The following TREML4 variants were observed in gnomAD, a reference collection of about 807,000 sequenced individuals.
TREML4 encodes the protein trem-like transcript 4 protein.
TREML4 carries 25 observed loss-of-function variants against 25.4 expected under a neutral mutation model. The observed-to-expected ratio is 0.98, with a 90% CI of 0.72 to 1.37. TREML4 has a LOEUF of 1.37. TREML4 is among the 40% of genes most tolerant of loss of function. TREML4 has a pLI of 0.00. For missense variants in TREML4, 268 were observed against 236.5 expected (o/e 1.13, Z -0.87); for synonymous variants, 92 against 87.9 (o/e 1.05, Z -0.26).
At position 41,236,499 on chromosome 6, in the gene TREML4, C is replaced by T; in HGVS notation, c.520C>T (p.Pro174Ser). Residue 174 changes from proline to serine, a missense_variant, in exon 5 of 6, where the codon CCT (proline) becomes TCT (serine). By Grantham distance (74) the Pro-to-Ser change is moderately conservative. Transcript: ENST00000341495. ...NGSETRKSRA[P>S]ACLGSGGPRF... ...TCTTCCCTGCAGGAAATCAAGAGCC[C>T]CTGCCTGCCTTGGCTCAGGTGGCCC... 1 of 1,614,098 alleles carries T rather than the reference C, an allele frequency of 6.2e-7. No individual in the cohort carries two copies. The highest frequency in any genetic ancestry group is 8.5e-7 in the Non-Finnish European group (1 of 1,179,980).
At chr6:41,235,160 A>G (rs1391891784) in intron 4 of TREML4, among the ~76,000 whole-genome samples, 2 of 152,102 alleles carry the variant, frequency 1.3e-5, no homozygotes, top group East Asian at 1.9e-4. Flanking sequence ...CCTTGAGCAC[A>G]TTTATGTTAT....
At chr6:41,231,094 T>G in intron 4 of TREML4, 1 of 446,338 alleles carries the variant, frequency 2.2e-6, no homozygotes, top group South Asian at 1.6e-5. Context: ...CACCCAGTTG[T>G]AGGAAATCAA....
intron 4 of TREML4, among the ~76,000 whole-genome samples, chr6:41,234,756 C>T (rs1766866895): frequency 6.6e-6 from 1 of 151,546 alleles, no homozygotes; most frequent in South Asian, 2.1e-4. Context: ...AAATTCAAGA[C>T]TCATGTGGTT....
At position 41,237,937 on chromosome 6, in the gene TREML4, A is replaced by G. The variant is rs1248968419; in HGVS notation, c.*918A>G. The G allele has an allele frequency of 6.6e-6, 1 of 152,260 alleles. No homozygotes were observed. The highest frequency in any genetic ancestry group is 1.5e-5 in the Non-Finnish European group (1 of 68,046). The allele number at this position is 152,260 out of a possible 1,614,324, so 9.4% of individuals were successfully genotyped here. A position where few individuals can be genotyped will look rare whatever the true frequency, so the allele number is the denominator to read the frequency against. On this transcript the variant is annotated 3_prime_UTR_variant, in exon 6 of 6. Coordinates refer to ENST00000341495, the MANE Select transcript of TREML4 (RefSeq NM_198153.3). ...GTTTTAGGGAACAGAAGAGGAGCAC[A>G]TATTTATGAAGCAAGAATAGGTACA...
intron 4 of TREML4, among the ~76,000 whole-genome samples, chr6:41,232,795 G>C (rs533755065): frequency 6.6e-6 from 1 of 152,156 alleles, no homozygotes; most frequent in South Asian, 2.1e-4. Context: ...AGAATCTAAA[G>C]CCACCACTGA....
chr6:41,231,758 C>G (rs1308490617), intron 4 of TREML4, among the ~76,000 whole-genome samples: 1 of 152,044 alleles, frequency 6.6e-6, no homozygotes, highest in East Asian at 1.9e-4. Flanking sequence ...ATTTAAAAAT[C>G]AAAGAGAAGT....
At position 41,231,198 on chromosome 6, in the gene TREML4, T is replaced by C. The variant is rs1187521340; in HGVS notation, c.506+1076T>C. ...ATAATAATAGAAATAAAGTGCACAA[T>C]AAATATAATGTGCTTTAATCATCCT... On this transcript the variant is annotated intron_variant, in intron 4 of 5. Coordinates refer to ENST00000341495, the MANE Select transcript of TREML4 (RefSeq NM_198153.3). The C allele has an allele frequency of 4.0e-5, 12 of 301,838 alleles. No homozygotes were observed. In the East Asian group the frequency reaches 1.1e-3, roughly 27 times the overall value. 18.7% of individuals were successfully genotyped at this position (301,838 alleles called of 1,614,324 possible). A position where few individuals can be genotyped will look rare whatever the true frequency, so the allele number is the denominator to read the frequency against.
intron 1 of TREML4, 54 bp downstream of exon 1, chr6:41,228,544 TG>T: frequency 1.3e-6 from 2 of 1,575,598 alleles, no homozygotes; most frequent in Non-Finnish European, 1.7e-6. Flanking sequence ...GAAGAATGAG[TG>T]GGGCAGGGAG....
chr6:41,236,545 T>C lies in TREML4; in HGVS notation c.566T>C (p.Leu189Pro), dbSNP rs1476869436. 1 of 1,614,096 alleles carries C rather than the reference T, an allele frequency of 6.2e-7. No homozygotes were observed. The highest frequency in any genetic ancestry group is 1.1e-5 in the South Asian group (1 of 91,080). ...SGGPRFLVLV[L>P]CGLLLAKGLM... ...GGCCCCAGATTCCTGGTCTTGGTGC[T>C]ATGTGGACTCCTCCTGGCCAAGGGC... The change falls in exon 5 of 6, where the codon CTA (leucine) becomes CCA (proline). Residue 189 changes from leucine (L) to proline (P), a missense_variant. Transcript: ENST00000341495.
intron 4 of TREML4, chr6:41,231,251 G>T (rs1766793572): frequency 5.2e-6 from 1 of 192,120 alleles, no homozygotes; most frequent in East Asian, 1.3e-4. Flanking sequence ...TCAGGTCCAT[G>T]GAAAATTTGT....
rs1474194435 is a variant in TREML4, at chr6:41,237,276, A to G, written c.*257A>G. 1 of 152,102 alleles carries G rather than the reference A, an allele frequency of 6.6e-6. No individual in the cohort carries two copies. The highest frequency in any genetic ancestry group is 1.9e-4 in the East Asian group (1 of 5,176). The allele number at this position is 152,102 out of a possible 1,614,324, so 9.4% of individuals were successfully genotyped here. A position where few individuals can be genotyped will look rare whatever the true frequency, so the allele number is the denominator to read the frequency against. On this transcript the variant is annotated 3_prime_UTR_variant, in exon 6 of 6. Transcript: ENST00000341495. ...CTGAACTCCCCGGTGGTGACCCCTC[A>G]CCCCTGCACTGAGCCCCCTTAGATC...
intron 1 of TREML4, 66 bp downstream of exon 1, chr6:41,228,556 C>A: frequency 1.9e-6 from 3 of 1,552,320 alleles, no homozygotes; most frequent in South Asian, 2.4e-5. Context: ...GGGCAGGGAG[C>A]AGCATGGCTG....
intron 4 of TREML4, among the ~76,000 whole-genome samples, chr6:41,230,504 G>C (rs1766776024): frequency 6.6e-6 from 1 of 152,166 alleles, no homozygotes; most frequent in Admixed American, 6.5e-5. Flanking sequence ...GAGGCATACT[G>C]TTAAATTCTG....
intron 4 of TREML4, among the ~76,000 whole-genome samples, chr6:41,233,989 G>C (rs551859643): frequency 6.6e-6 from 1 of 151,592 alleles, no homozygotes; most frequent in African/African-American, 2.4e-5. Context: ...TAGTGTATAA[G>C]TACACATATA....
chr6:41,228,445 C>T lies in TREML4; in HGVS notation c.18C>T (p.Val6=). 6.2e-7 allele frequency: 1 copy of T among 1,612,474 alleles called. No homozygotes were observed. The highest frequency in any genetic ancestry group is 8.5e-7 in the Non-Finnish European group (1 of 1,179,346). ...GGGCTGGAATGGCCTGGGGTGGGGT[C>T]CACACCTGCTGCTTCCACCTGTGCT... The part of the protein sequence containing the change: MAWGG[V]HTCCFHLCCC... The change falls in exon 1 of 6, where the codon GTC becomes GTT. Residue 6 remains valine, a synonymous_variant. Coordinates refer to ENST00000341495, the MANE Select transcript of TREML4 (RefSeq NM_198153.3).
chr6:41,232,882 C>T (rs1369573838), intron 4 of TREML4, among the ~76,000 whole-genome samples: 1 of 152,166 alleles, frequency 6.6e-6, no homozygotes, highest in Non-Finnish European at 1.5e-5. Context: ...CTTACTTGCT[C>T]ACCAGCCACT....
chr6:41,229,467 C>G, intron 2 of TREML4, 54 bp from the exon 3 acceptor site: 3 of 1,593,168 alleles, frequency 1.9e-6, no homozygotes, highest in Non-Finnish European at 2.6e-6. Flanking sequence ...TGGGGTAGAC[C>G]CTACTCTCTT....
intron 4 of TREML4, among the ~76,000 whole-genome samples, chr6:41,230,536 G>A (rs17644041): frequency 6.6e-6 from 1 of 152,142 alleles, no homozygotes; most frequent in Admixed American, 6.5e-5. Context: ...GCAGTCATGG[G>A]TTTTGAGGCC....
At chr6:41,229,932 A>G (rs1582115018) in intron 3 of TREML4, 130 bp from the exon 4 acceptor site, 1 of 768,842 alleles carries the variant, frequency 1.3e-6, no homozygotes, top group East Asian at 2.5e-5. Flanking sequence ...GGCCTCAGTT[A>G]CCCTTAGCCT....
Sources: gnomAD v4.1 joint callset for allele counts (sites outside exome capture counted in the v4.1 genomes callset) on GRCh38, gnomAD v4.1.1 for gene constraint, MANE v1.5 for transcripts, NCBI Gene and HGNC (gene_info 2026-07-23, HGNC 2026-07-21) for gene names.